PLCB1: variants seen among roughly 807,000 people sequenced by gnomAD.
PLCB1 encodes phospholipase C beta 1.
Under a neutral mutation model 161.8 loss-of-function variants are expected in PLCB1, and 46 were observed. The observed-to-expected ratio is 0.28, with a 90% CI of 0.22 to 0.36. The LOEUF (loss-of-function observed/expected upper bound fraction) is 0.36. Ranked by LOEUF, PLCB1 falls within the 10% of genes least tolerant of loss-of-function variation. The pLI, the probability that PLCB1 is intolerant of heterozygous loss-of-function variation, is 1.00. For synonymous variants in PLCB1, 517 were observed against 503.7 expected, an observed-to-expected ratio of 1.03 and a Z score of -0.35; for missense variants, 1,016 against 1,472.5, an observed-to-expected ratio of 0.69 and a Z score of 5.07.
At chr20:8,424,326 A>G (rs1221567710) in intron 3 of PLCB1, among the ~76,000 whole-genome samples, 1 of 152,226 alleles carries the variant, frequency 6.6e-6, no homozygotes, top group Non-Finnish European at 1.5e-5. Context: ...GGGGTCTCAG[A>G]TAACATATCT....
chr20:8,218,431 G>A (rs947329230), intron 2 of PLCB1, among the ~76,000 whole-genome samples: 36 of 152,168 alleles, frequency 2.4e-4, no homozygotes, highest in African/African-American at 8.7e-4. Context: ...GAAAAGCGTT[G>A]ATTCTGGAGC....
At chr20:8,230,056 CAAAAAAAAAAAA>C (rs547874616) in intron 2 of PLCB1, among the ~76,000 whole-genome samples, 975 of 58,894 alleles carry the variant, frequency 0.017, 22 homozygotes, top group African/African-American at 0.036. Context: ...GACTTGGCAG[CAAAAAAAAAAAA>C]AAAAAAAAAA....
chr20:8,409,572 C>T (rs1388774163), intron 3 of PLCB1, among the ~76,000 whole-genome samples: 3 of 151,946 alleles, frequency 2.0e-5, no homozygotes, highest in Admixed American at 2.0e-4. Flanking sequence ...AAGTAATTCT[C>T]CTTCCTCAGC....
intron 31 of PLCB1, among the ~76,000 whole-genome samples, chr20:8,846,974 C>G: frequency 6.6e-6 from 1 of 152,168 alleles, no homozygotes; most frequent in East Asian, 1.9e-4. Flanking sequence ...GACAAGGACT[C>G]TCAACCTAAG....
At chr20:8,502,535 A>C (rs541700868) in intron 3 of PLCB1, among the ~76,000 whole-genome samples, 1 of 152,214 alleles carries the variant, frequency 6.6e-6, no homozygotes, top group Non-Finnish European at 1.5e-5. Flanking sequence ...GTTTTTTCCT[A>C]CTTAAGTTCA....
chr20:8,660,379 G>A (rs1008643570), intron 9 of PLCB1, among the ~76,000 whole-genome samples: 15 of 151,994 alleles, frequency 9.9e-5, no homozygotes, highest in African/African-American at 3.1e-4. Flanking sequence ...CAAAAATAAC[G>A]AACACATTGT....
intron 3 of PLCB1, among the ~76,000 whole-genome samples, chr20:8,541,848 T>G (rs1985345819): frequency 6.6e-6 from 1 of 152,224 alleles, no homozygotes; most frequent in Non-Finnish European, 1.5e-5. Context: ...ATCCAAGTTT[T>G]CTTTCAAACT....
At chr20:8,490,744 G>C (rs4816066) in intron 3 of PLCB1, among the ~76,000 whole-genome samples, 1 of 151,988 alleles carries the variant, frequency 6.6e-6, no homozygotes, top group Admixed American at 6.6e-5. Flanking sequence ...ACCTTTTCTA[G>C]TGCTTATTTG....
chr20:8,537,004 A>C (rs2122937978), intron 3 of PLCB1, among the ~76,000 whole-genome samples: 1 of 152,326 alleles, frequency 6.6e-6, no homozygotes, highest in South Asian at 2.1e-4. Flanking sequence ...AAAAATATCT[A>C]CCTACAGAGA....
At chr20:8,577,205 G>A (rs530248504) in intron 3 of PLCB1, among the ~76,000 whole-genome samples, 76 of 151,932 alleles carry the variant, frequency 5.0e-4, no homozygotes, top group Admixed American at 1.9e-3. Flanking sequence ...TGAGGCGGGC[G>A]GATCACGAGG....
chr20:8,802,150 G>C, intron 31 of PLCB1: 1 of 1,606,890 alleles, frequency 6.2e-7, no homozygotes, highest in Non-Finnish European at 8.5e-7. Context: ...GCTCTCAAGT[G>C]GTGACCACCG....
intron 2 of PLCB1, among the ~76,000 whole-genome samples, chr20:8,328,919 A>G (rs1985259910): frequency 6.6e-6 from 1 of 152,214 alleles, no homozygotes; most frequent in South Asian, 2.1e-4. Flanking sequence ...TGTGCTGGGT[A>G]CAGAGTCAGG....
At chr20:8,276,926 TTTCTTCTTCTTCTTCTTCTTC>T (rs752434070) in intron 2 of PLCB1, among the ~76,000 whole-genome samples, 3,491 of 104,754 alleles carry the variant, frequency 0.033, 78 homozygotes, top group Non-Finnish European at 0.043. Flanking sequence ...GTCTTCTTCT[TTTCTTCTTCTTCTTCTTCTTC>T]TTCTTCTTCT....
chr20:8,179,178 T>C (rs1253630544), intron 2 of PLCB1, among the ~76,000 whole-genome samples: 1 of 152,200 alleles, frequency 6.6e-6, no homozygotes, highest in African/African-American at 2.4e-5. Context: ...AGAATGTCAT[T>C]GGCAGTTTGA....
Position 8,645,812 on chromosome 20 carries a change from T to C in PLCB1, c.385-290T>C, listed in dbSNP as rs118076841. Among the ~76,000 whole-genome samples, 461 of 152,332 alleles carry C rather than the reference T, an allele frequency of 3.0e-3. 2 individuals are homozygous for C. In the Middle Eastern group the frequency reaches 0.054, roughly 18 times the overall value. On this transcript the variant is annotated intron_variant, in intron 4 of 31. Transcript: ENST00000338037. ...TTTATAATTCAAGGAAATAGTAAAA[T>C]GTGCTTAGTTATTGAAGGGAAACAG...
At chr20:8,446,476 G>A (rs1158719404) in intron 3 of PLCB1, among the ~76,000 whole-genome samples, 9 of 152,138 alleles carry the variant, frequency 5.9e-5, no homozygotes, top group Admixed American at 3.9e-4. Flanking sequence ...AAAACTGAAA[G>A]CATTCCCTTT....
chr20:8,677,739 T>G (rs1026805244), intron 9 of PLCB1, among the ~76,000 whole-genome samples: 9 of 152,024 alleles, frequency 5.9e-5, no homozygotes, highest in Admixed American at 1.3e-4. Context: ...ACAAAAATCT[T>G]TTAAAAAAAA....
intron 10 of PLCB1, among the ~76,000 whole-genome samples, chr20:8,689,927 C>CG (rs1042943270): frequency 7.7e-5 from 4 of 51,962 alleles, no homozygotes; most frequent in African/African-American, 2.0e-4. Flanking sequence ...AAGGGTTTAC[C>CG]TTTTTTATGA....
chr20:8,620,747 C>CAAAAAAAAAAAAAAAAA (rs779029928), intron 3 of PLCB1, among the ~76,000 whole-genome samples: 7 of 75,248 alleles, frequency 9.3e-5, no homozygotes, highest in African/African-American at 1.6e-4. Context: ...CTGCCCCCAC[C>CAAAAAAAAAAAAAAAAA]AAAAAAAAAA....
Sources: allele counts gnomAD v4.1 joint callset (sites outside exome capture counted in the v4.1 genomes callset), GRCh38; gene constraint gnomAD v4.1.1; transcripts MANE v1.5; gene names NCBI Gene and HGNC (gene_info 2026-07-23, HGNC 2026-07-21).